Variants in RYK observed in about 807,000 individuals in gnomAD.
The protein encoded by RYK is receptor like tyrosine kinase.
A neutral mutation model predicts 70.2 loss-of-function variants in RYK; 21 were observed. The observed-to-expected ratio is 0.30, with a 90% CI of 0.21 to 0.43. The LOEUF is 0.43. Ranked by LOEUF, RYK falls within the 20% of genes least tolerant of loss-of-function variation. The pLI is 1.00. For missense variants in RYK, 604 were observed against 753.3 expected, an observed-to-expected ratio of 0.80 and a Z score of 2.32; for synonymous variants, 267 against 278.0, an observed-to-expected ratio of 0.96 and a Z score of 0.39.
chr3:134,195,183 C>T lies in RYK; in HGVS notation c.789-1G>A, dbSNP rs1186277099. The T allele has an allele frequency of 1.2e-6, 2 of 1,603,998 alleles. No homozygotes were observed. Among genetic ancestry groups the T allele is most frequent in the Non-Finnish European group, 8.5e-7 (1 of 1,173,972 alleles). The stretch of plus-strand genomic sequence containing the variant: ...TTGGGAACTACTGCTGGCACTAATG[C>T]TGCAAACAATTTTTGAGAGAAATAT... On this transcript the variant is annotated splice_acceptor_variant, in intron 6 of 14. Coordinates refer to ENST00000623711, the MANE Select transcript of RYK (RefSeq NM_002958.4). LOFTEE classifies it high-confidence loss of function.
rs189821270 is a variant in RYK, at chr3:134,214,264, A to G, written c.355-2657T>C. On this transcript the variant is annotated intron_variant, in intron 2 of 14. Transcript: ENST00000623711. ...CACGCTAAAGAATTACTTCACTACC[A>G]AAACAAATGCAAAAATGCCATTCTA... Among the ~76,000 whole-genome samples, 417 of 152,284 alleles carry G rather than the reference A, an allele frequency of 2.7e-3. 4 individuals carry two copies. Among genetic ancestry groups the G allele is most frequent in the South Asian group, 4.4e-3 (21 of 4,820 alleles).
chr3:134,238,674 C>A (rs1000569075), intron 1 of RYK, among the ~76,000 whole-genome samples: 6 of 152,312 alleles, frequency 3.9e-5, no homozygotes, highest in African/African-American at 1.2e-4. Context: ...AAAATCAACA[C>A]AGAACAGGCA....
chr3:134,230,382 T>C (rs2015023001), intron 1 of RYK, among the ~76,000 whole-genome samples: 1 of 152,166 alleles, frequency 6.6e-6, no homozygotes, highest in Non-Finnish European at 1.5e-5. Context: ...TGCCTGGCCA[T>C]GTTCACAGCC....
intron 1 of RYK, among the ~76,000 whole-genome samples, chr3:134,249,849 TA>T (rs2015561124): frequency 6.7e-6 from 1 of 150,096 alleles, no homozygotes; most frequent in Non-Finnish European, 1.5e-5. Flanking sequence ...GCTCCAAATC[TA>T]CGTCCCAAGA....
chr3:134,207,352 C>G lies in RYK; in HGVS notation c.643+120G>C. 4 of 520,520 alleles carry G rather than the reference C, an allele frequency of 7.7e-6. No homozygotes were observed. The Admixed American group carries it at 1.2e-4, about 16-fold the overall frequency. The allele number at this position is 520,520 out of a possible 1,614,324, so 32.2% of individuals were successfully genotyped here. On this transcript the variant is annotated intron_variant, in intron 5 of 14. Transcript: ENST00000623711. ...AGTCTACAAAGCACCAGCAAAATAA[C>G]AGCATGGTGTCATTATCATTTGATA...
intron 3 of RYK, among the ~76,000 whole-genome samples, chr3:134,210,978 C>T (rs2014376036): frequency 6.6e-6 from 1 of 152,138 alleles, no homozygotes; most frequent in African/African-American, 2.4e-5. Flanking sequence ...ATACTGAGAC[C>T]AGCACATGCA....
chr3:134,246,328 ACAC>A (rs2015464882), intron 1 of RYK, among the ~76,000 whole-genome samples: 1 of 147,718 alleles, frequency 6.8e-6, no homozygotes, highest in Non-Finnish European at 1.5e-5. Flanking sequence ...ACACACACAC[ACAC>A]ACACACACAC....
chr3:134,160,862 GA>G (rs892344954), intron 13 of RYK, among the ~76,000 whole-genome samples: 1 of 150,836 alleles, frequency 6.6e-6, no homozygotes, highest in Non-Finnish European at 1.5e-5. Flanking sequence ...CTCAAAGAAA[GA>G]AAAAAAAATT....
chr3:134,221,765 A>G (rs2107685119), intron 2 of RYK, among the ~76,000 whole-genome samples: 1 of 152,304 alleles, frequency 6.6e-6, no homozygotes, highest in African/African-American at 2.4e-5. Context: ...AAAGCTGATA[A>G]AAGAAACTGA....
chr3:134,219,727 A>C (rs1261642103), intron 2 of RYK, among the ~76,000 whole-genome samples: 4 of 152,182 alleles, frequency 2.6e-5, no homozygotes, highest in African/African-American at 9.7e-5. Flanking sequence ...ATTCAGTAAC[A>C]ACCACTCCAC....
rs114427802 is a variant in RYK at position 134,172,849 on chromosome 3, C to T, written c.1575+2760G>A. Reference sequence around the variant, plus strand: ...AAGCTGAACCCTGGGATTCAGTATCCAAGAGTCTGGCTTTATTTCCCTCAT... The same window carrying T: ...AAGCTGAACCCTGGGATTCAGTATCTAAGAGTCTGGCTTTATTTCCCTCAT... On this transcript the variant is annotated intron_variant, in intron 13 of 14. Coordinates refer to ENST00000623711, the MANE Select transcript of RYK (RefSeq NM_002958.4). Among the ~76,000 whole-genome samples, 1,038 of 152,208 alleles carry T rather than the reference C, an allele frequency of 6.8e-3. 7 individuals are homozygous for T. The highest frequency in any genetic ancestry group is 0.022 in the African/African-American group (896 of 41,522).
intron 6 of RYK, among the ~76,000 whole-genome samples, chr3:134,198,343 C>T (rs1397968883): frequency 2.0e-5 from 3 of 152,232 alleles, no homozygotes; most frequent in African/African-American, 7.2e-5. Flanking sequence ...TTCTCTGTAA[C>T]TCCACTTCAT....
intron 7 of RYK, among the ~76,000 whole-genome samples, chr3:134,193,420 T>A (rs1185012835): frequency 2.0e-5 from 3 of 152,192 alleles, no homozygotes; most frequent in Non-Finnish European, 1.5e-5. Context: ...CCTGACCTCA[T>A]GATCCGCCCG....
chr3:134,236,769 AT>A (rs992654606), intron 1 of RYK, among the ~76,000 whole-genome samples: 2 of 152,180 alleles, frequency 1.3e-5, no homozygotes, highest in African/African-American at 2.4e-5. Context: ...AAAGTTACAT[AT>A]TTTGGGCTGA....
rs1559995745 is a variant in RYK, at chr3:134,157,722, G to C, written c.*431C>G. The C allele has an allele frequency of 6.5e-6, 1 of 152,830 alleles. No individual in the cohort carries two copies. Among genetic ancestry groups the C allele is most frequent in the African/African-American group, 2.4e-5 (1 of 41,396 alleles). The allele number at this position is 152,830 out of a possible 1,614,324, so 9.5% of individuals were successfully genotyped here. A position where few individuals can be genotyped will look rare whatever the true frequency, so the allele number is the denominator to read the frequency against. Reference sequence around the variant, plus strand: ...TGAAGACAAACCATTTCCCAGAGTAGTGATAAAAAATAACACTAAAAAAAC... The same window carrying C: ...TGAAGACAAACCATTTCCCAGAGTACTGATAAAAAATAACACTAAAAAAAC... On this transcript the variant is annotated 3_prime_UTR_variant, in exon 15 of 15. Coordinates refer to ENST00000623711, the MANE Select transcript of RYK (RefSeq NM_002958.4).
At chr3:134,223,478 AC>A (rs1430284308) in intron 1 of RYK, among the ~76,000 whole-genome samples, 1 of 152,232 alleles carries the variant, frequency 6.6e-6, no homozygotes, top group Non-Finnish European at 1.5e-5. Flanking sequence ...TATCAAAAAA[AC>A]AAAAGAAAAA....
At chr3:134,173,368 G>T (rs1044327580) in intron 13 of RYK, among the ~76,000 whole-genome samples, 4 of 152,094 alleles carry the variant, frequency 2.6e-5, no homozygotes, top group African/African-American at 9.7e-5. Flanking sequence ...GTATGTAAAA[G>T]GAGCAATATA....
chr3:134,208,441 G>A (rs910215042), intron 4 of RYK, among the ~76,000 whole-genome samples: 1 of 152,182 alleles, frequency 6.6e-6, no homozygotes, highest in African/African-American at 2.4e-5. Flanking sequence ...CATTGGAGTA[G>A]AGAGTCTCTG....
chr3:134,196,621 ACACACACG>A (rs2013823065), intron 6 of RYK, among the ~76,000 whole-genome samples: 1 of 138,436 alleles, frequency 7.2e-6, no homozygotes, highest in South Asian at 2.3e-4. Context: ...ACACACACAC[ACACACACG>A]GCTGCTATGT....
Sources: gnomAD v4.1 joint callset for allele counts (sites outside exome capture counted in the v4.1 genomes callset) on GRCh38, gnomAD v4.1.1 for gene constraint, MANE v1.5 for transcripts, NCBI Gene and HGNC (gene_info 2026-07-23, HGNC 2026-07-21) for gene names.